Variants in DNAJC8 observed in about 807,000 individuals in gnomAD.
DNAJC8 encodes dnaJ homolog subfamily C member 8.
Under a neutral mutation model 43.2 loss-of-function variants are expected in DNAJC8, and 24 were observed. That is an observed-to-expected ratio of 0.56 (90% CI 0.40 to 0.78). The LOEUF (loss-of-function observed/expected upper bound fraction) is 0.78. Among genes scored for constraint, DNAJC8 ranks in the 30% least tolerant of loss-of-function variants. The pLI is 0.00. For synonymous variants in DNAJC8, 83 were observed against 98.0 expected, an observed-to-expected ratio of 0.85 and a Z score of 0.90; for missense variants, 207 against 299.4, an observed-to-expected ratio of 0.69 and a Z score of 2.28.
chr1:28,228,348 CAAAAAAAAAAA>C (rs78440134), intron 2 of DNAJC8, among the ~76,000 whole-genome samples: 1 of 74,818 alleles, frequency 1.3e-5, no homozygotes, highest in Admixed American at 1.6e-4. Flanking sequence ...GACTCCGTCT[CAAAAAAAAAAA>C]AAAAAAAAAA....
In DNAJC8 at chr1:28,200,340, T is replaced by C. The variant is rs1244259721; in HGVS notation, c.*908A>G. 1 of 370,346 alleles carries C rather than the reference T, an allele frequency of 2.7e-6. No individual in the cohort carries two copies. Among genetic ancestry groups the C allele is most frequent in the Non-Finnish European group, 5.3e-6 (1 of 189,058 alleles). The allele number at this position is 370,346 out of a possible 1,614,324, so 22.9% of individuals were successfully genotyped here. On this transcript the variant is annotated 3_prime_UTR_variant, in exon 9 of 9. Coordinates refer to ENST00000263697, the MANE Select transcript of DNAJC8 (RefSeq NM_014280.3). ...GTATCTTCATTTTACACAGAAATAA[T>C]AGGATATTGGCAATACCCAAGGAGC...
intron 5 of DNAJC8, 40 bp from the exon 6 acceptor site, chr1:28,208,453 G>A (rs1354277818): frequency 2.0e-6 from 3 of 1,484,952 alleles, no homozygotes; most frequent in Non-Finnish European, 2.8e-6. Flanking sequence ...GAGCATCTGT[G>A]CTTTGAGAAT....
intron 2 of DNAJC8, among the ~76,000 whole-genome samples, chr1:28,227,399 CTTCAT>C (rs1397802590): frequency 7.5e-6 from 1 of 133,066 alleles, no homozygotes; most frequent in African/African-American, 2.8e-5. Context: ...CAGAGTGAGA[CTTCAT>C]CTCAAAAAAA....
At chr1:28,203,624 C>T (rs1268624959) in intron 8 of DNAJC8, 123 bp downstream of exon 8, 23 of 952,276 alleles carry the variant, frequency 2.4e-5, no homozygotes, top group Admixed American at 3.8e-5. Flanking sequence ...TCATTCTTCA[C>T]CTCTCCCACT....
At chr1:28,213,557 G>A (rs1646829767) in intron 3 of DNAJC8, among the ~76,000 whole-genome samples, 1 of 152,108 alleles carries the variant, frequency 6.6e-6, no homozygotes, top group South Asian at 2.1e-4. Flanking sequence ...ATATTAACAA[G>A]TATCTCATCA....
rs751173632 is a variant in DNAJC8, at chr1:28,208,325, T to G, written c.471+17A>C. The G allele has an allele frequency of 6.2e-7, 1 of 1,600,718 alleles. No individual in the cohort carries two copies. The highest frequency in any genetic ancestry group is 1.7e-5 in the Admixed American group (1 of 58,862). ...CAATCACACAAGATACAGTGGCTTT[T>G]CCTATATTTAACTCACCAGCTCAGG... On this transcript the variant is annotated intron_variant, in intron 6 of 8. Transcript: ENST00000263697.
At chr1:28,230,042 G>C (rs1241621072) in intron 1 of DNAJC8, 2 of 151,944 alleles carry the variant, frequency 1.3e-5, no homozygotes, top group East Asian at 3.9e-4. Flanking sequence ...GAGCTCAGGA[G>C]TTTGAGACAA....
chr1:28,210,196 T>A, intron 4 of DNAJC8, 130 bp from the exon 5 acceptor site: 4 of 772,004 alleles, frequency 5.2e-6, no homozygotes, highest in Middle Eastern at 2.4e-4. Flanking sequence ...GTCGTTAAAC[T>A]AAGTTAAAAA....
intron 1 of DNAJC8, 119 bp from the exon 2 acceptor site, chr1:28,229,142 G>A (rs1646957337): frequency 3.7e-6 from 3 of 814,820 alleles, no homozygotes; most frequent in East Asian, 2.7e-5. Context: ...CCATGTGCAA[G>A]ACATTTTGCT....
At chr1:28,232,383 G>A (rs913793414) in intron 1 of DNAJC8, among the ~76,000 whole-genome samples, 1 of 152,176 alleles carries the variant, frequency 6.6e-6, no homozygotes, top group South Asian at 2.1e-4. Flanking sequence ...CAAGCCCACT[G>A]CTGTCCTAAC....
chr1:28,221,353 G>A (rs796848), intron 2 of DNAJC8, among the ~76,000 whole-genome samples: 79,792 of 151,034 alleles, frequency 0.53, 21,940 homozygotes, highest in African/African-American at 0.64. Flanking sequence ...AAGGGAAAAA[G>A]AGAAAGAAAC....
intron 3 of DNAJC8, among the ~76,000 whole-genome samples, chr1:28,211,043 G>A (rs748267613): frequency 6.6e-6 from 1 of 152,118 alleles, no homozygotes; most frequent in Non-Finnish European, 1.5e-5. Context: ...ACATGGTGGT[G>A]GTCGCCTGTA....
At chr1:28,215,478 T>C (rs529798374) in intron 2 of DNAJC8, among the ~76,000 whole-genome samples, 212 of 152,122 alleles carry the variant, frequency 1.4e-3, no homozygotes, top group Middle Eastern at 6.8e-3. Context: ...GCTGGCCCAC[T>C]CTACGAAAGT....
At position 28,212,931 on chromosome 1, in the gene DNAJC8, C is replaced by A. The variant is rs139809121; in HGVS notation, c.237+2009G>T. Among the ~76,000 whole-genome samples, 749 of 152,260 alleles carry A rather than the reference C, an allele frequency of 4.9e-3. 7 individuals carry two copies. The highest frequency in any genetic ancestry group is 0.017 in the African/African-American group (714 of 41,546). On this transcript the variant is annotated intron_variant, in intron 3 of 8. Coordinates refer to ENST00000263697, the MANE Select transcript of DNAJC8 (RefSeq NM_014280.3). ...TGGGCTGATATAAGAATGAAACAAA[C>A]AATGCAAGTAAAGAAATTAGCAGAC... is the stretch of plus-strand genomic sequence containing the variant.
chr1:28,211,859 T>C (rs1646812441), intron 3 of DNAJC8, among the ~76,000 whole-genome samples: 1 of 151,996 alleles, frequency 6.6e-6, no homozygotes, highest in Admixed American at 6.6e-5. Context: ...TATAGTTAAA[T>C]ATATAGTCAG....
Position 28,229,031 on chromosome 1 carries a change from T to G in DNAJC8, c.79-8A>C, listed in dbSNP as rs1646956240. ...CTTCTCTATTTGTTTCACCTAAAAT[T>G]ATGAGGATTAAAAACTTCATTAATA... On this transcript the variant is annotated splice_region_variant and splice_polypyrimidine_tract_variant and intron_variant, in intron 1 of 8. Transcript: ENST00000263697. 1 of 1,609,676 alleles carries G rather than the reference T, an allele frequency of 6.2e-7. No individual in the cohort carries two copies. The highest frequency in any genetic ancestry group is 8.5e-7 in the Non-Finnish European group (1 of 1,176,822).
chr1:28,203,604 A>T (rs1646750861), intron 8 of DNAJC8, 143 bp downstream of exon 8: 1 of 768,692 alleles, frequency 1.3e-6, no homozygotes, highest in African/African-American at 1.7e-5. Context: ...AGGCTGAGGC[A>T]GGCCCAGCCT....
chr1:28,217,189 T>C (rs937735463), intron 2 of DNAJC8, among the ~76,000 whole-genome samples: 4 of 151,954 alleles, frequency 2.6e-5, no homozygotes, highest in Admixed American at 1.3e-4. Context: ...TGGAGTGCAG[T>C]GGCATAATCA....
At chr1:28,209,114 G>A (rs1400299194) in intron 5 of DNAJC8, among the ~76,000 whole-genome samples, 1 of 152,124 alleles carries the variant, frequency 6.6e-6, no homozygotes, top group African/African-American at 2.4e-5. Flanking sequence ...AAGCCACAAT[G>A]ATTTAAGGAG....
Sources: allele counts gnomAD v4.1 joint callset (sites outside exome capture counted in the v4.1 genomes callset), GRCh38; gene constraint gnomAD v4.1.1; transcripts MANE v1.5; gene names NCBI Gene and HGNC (gene_info 2026-07-23, HGNC 2026-07-21).